ACYP2: variants seen among roughly 807,000 people sequenced by gnomAD.
ACYP2 encodes the protein acylphosphatase-2.
ACYP2 carries 12 observed loss-of-function variants against 11.2 expected under a neutral mutation model. That is an observed-to-expected ratio of 1.08 (90% CI 0.69 to 1.74). The LOEUF (loss-of-function observed/expected upper bound fraction) is 1.74, where lower values mean the gene tolerates loss of function less well. Ranked by LOEUF, ACYP2 falls within the 40% of genes most tolerant of loss-of-function variation. The pLI is 0.00. For missense variants in ACYP2, 134 were observed against 101.9 expected, an observed-to-expected ratio of 1.31 and a Z score of -1.35; for synonymous variants, 43 against 32.2, an observed-to-expected ratio of 1.33 and a Z score of -1.13.
At chr2:54,085,273 G>A (rs1677889325) in intron 4 of ACYP2, among the ~76,000 whole-genome samples, 1 of 152,122 alleles carries the variant, frequency 6.6e-6, no homozygotes, top group Non-Finnish European at 1.5e-5. Flanking sequence ...GGTCCACGTG[G>A]TGGCACTGTG....
chr2:54,127,245 C>T (rs1680571268), intron 4 of ACYP2, among the ~76,000 whole-genome samples: 1 of 152,080 alleles, frequency 6.6e-6, no homozygotes, highest in Non-Finnish European at 1.5e-5. Flanking sequence ...ATCTTCAGTG[C>T]TATGCTTCTA....
At position 54,091,136 on chromosome 2, in the gene ACYP2, TAACTC is replaced by T. The variant is rs372175693; in HGVS notation, c.277+33780_277+33784del. Among the ~76,000 whole-genome samples the T allele has an allele frequency of 2.2e-4, 34 of 152,366 alleles. 1 individual carries two copies. The highest frequency in any genetic ancestry group is 7.9e-4 in the African/African-American group (33 of 41,576). ...GGACAAAAGGGGTTATTTTATGTCT[TAACTC>T]AACATTTCAAAGCAGCTCAAAGGAG... On this transcript the variant is annotated intron_variant, in intron 4 of 6. Coordinates refer to ENST00000607452, the MANE Select transcript of ACYP2 (RefSeq NM_001320586.2).
At chr2:54,201,620 CTTTGTT>C (rs57677546) in intron 6 of ACYP2, among the ~76,000 whole-genome samples, 4 of 87,108 alleles carry the variant, frequency 4.6e-5, no homozygotes, top group Middle Eastern at 5.9e-3. Context: ...TTCTTTCTTT[CTTTGTT>C]TCTTTCTTTC....
rs546738983 is a variant in ACYP2, at chr2:54,236,259, GT to G, written c.405-68427del. Among the ~76,000 whole-genome samples the G allele has an allele frequency of 3.0e-4, 46 of 152,066 alleles. No homozygotes were observed. In the South Asian group the frequency reaches 8.9e-3, roughly 30 times the overall value. ...CCCAGCCTATTTTATTTAGATTTAA[GT>G]TGTTCTTTTCATAACTTTTTATCAA... On this transcript the variant is annotated intron_variant, in intron 6 of 6. Coordinates refer to ENST00000607452, the MANE Select transcript of ACYP2 (RefSeq NM_001320586.2).
At chr2:54,246,627 T>C (rs1350470191) in intron 6 of ACYP2, among the ~76,000 whole-genome samples, 2 of 152,190 alleles carry the variant, frequency 1.3e-5, no homozygotes, top group African/African-American at 4.8e-5. Flanking sequence ...CATAGGGTTT[T>C]CTATATTCAT....
In ACYP2 at chr2:54,292,667, TATAC is replaced by T. The variant is rs1451483522; in HGVS notation, c.405-12019_405-12016del. 2.2e-3 allele frequency among the ~76,000 whole-genome samples: 115 copies of T among 53,372 alleles called. 1 individual carries two copies. The highest frequency in any genetic ancestry group is 0.018 in the Middle Eastern group (2 of 110). 35.0% of individuals were successfully genotyped at this position (53,372 alleles called of 152,430 possible). A position where few individuals can be genotyped will look rare whatever the true frequency, so the allele number is the denominator to read the frequency against. ...ATTTCTGATTGTGTGTGTATATATG[TATAC>T]ACACACACACACACACACACACACA... On this transcript the variant is annotated intron_variant, in intron 6 of 6. Transcript: ENST00000607452.
chr2:54,187,158 C>A (rs1356146307), intron 6 of ACYP2, among the ~76,000 whole-genome samples: 1 of 152,136 alleles, frequency 6.6e-6, no homozygotes, highest in East Asian at 1.9e-4. Context: ...AGGGCACATG[C>A]AATCTGGGGC....
intron 4 of ACYP2, among the ~76,000 whole-genome samples, chr2:54,072,468 T>TTC (rs1558508745): frequency 1.2e-4 from 15 of 124,830 alleles, no homozygotes; most frequent in Middle Eastern, 4.0e-3. Context: ...CTTTCTTTCT[T>TTC]TTTCTTTCTT....
chr2:54,034,683 A>G (rs1217716660), intron 2 of ACYP2, among the ~76,000 whole-genome samples: 1 of 152,162 alleles, frequency 6.6e-6, no homozygotes, highest in Non-Finnish European at 1.5e-5. Context: ...TATTTCCCAT[A>G]TTTCTTAAAT....
At chr2:54,279,489 A>G (rs892868927) in intron 6 of ACYP2, among the ~76,000 whole-genome samples, 1 of 152,224 alleles carries the variant, frequency 6.6e-6, no homozygotes, top group Non-Finnish European at 1.5e-5. Flanking sequence ...GAATTATGGA[A>G]ATTAGAAATC....
chr2:54,026,771 T>C (rs765854925), intron 2 of ACYP2, among the ~76,000 whole-genome samples: 5 of 152,274 alleles, frequency 3.3e-5, no homozygotes, highest in Admixed American at 2.0e-4. Flanking sequence ...CTGGATACAA[T>C]TGAAGACCAT....
At chr2:54,034,395 T>C (rs1250098927) in intron 2 of ACYP2, among the ~76,000 whole-genome samples, 1 of 152,170 alleles carries the variant, frequency 6.6e-6, no homozygotes. Context: ...TGTATTTGTA[T>C]TGTACCTTTT....
At chr2:54,119,225 T>A (rs898555413) in intron 4 of ACYP2, among the ~76,000 whole-genome samples, 17 of 151,874 alleles carry the variant, frequency 1.1e-4, no homozygotes, top group African/African-American at 4.1e-4. Context: ...GCTAACTTTT[T>A]AATTTTTCCT....
chr2:54,289,033 CTATA>C (rs1280766582), intron 6 of ACYP2, among the ~76,000 whole-genome samples: 1 of 152,002 alleles, frequency 6.6e-6, no homozygotes, highest in African/African-American at 2.4e-5. Flanking sequence ...CAGCTATCAA[CTATA>C]TATAAGTAGC....
chr2:54,264,255 T>A (rs1687916772), intron 6 of ACYP2, among the ~76,000 whole-genome samples: 1 of 151,502 alleles, frequency 6.6e-6, no homozygotes, highest in East Asian at 1.9e-4. Context: ...ACCCAAAGAG[T>A]GAGCAGCAGC....
At chr2:54,024,667 A>C (rs1357749641) in intron 2 of ACYP2, among the ~76,000 whole-genome samples, 2 of 152,200 alleles carry the variant, frequency 1.3e-5, no homozygotes, top group African/African-American at 2.4e-5. Flanking sequence ...ATTACCCCTG[A>C]AAACTGGAAC....
At chr2:53,985,877 T>C (rs1387729765) in intron 2 of ACYP2, among the ~76,000 whole-genome samples, 4 of 152,208 alleles carry the variant, frequency 2.6e-5, no homozygotes, top group African/African-American at 9.6e-5. Flanking sequence ...GGCTCATGCC[T>C]GTAATCCCAG....
intron 2 of ACYP2, among the ~76,000 whole-genome samples, chr2:54,027,095 A>G (rs1431709122): frequency 1.3e-5 from 2 of 152,182 alleles, no homozygotes; most frequent in African/African-American, 4.8e-5. Flanking sequence ...GTGAGTTCAC[A>G]TATATCCTGT....
At chr2:54,188,493 A>G (rs1420920394) in intron 6 of ACYP2, among the ~76,000 whole-genome samples, 1 of 152,214 alleles carries the variant, frequency 6.6e-6, no homozygotes, top group Non-Finnish European at 1.5e-5. Flanking sequence ...TTCTAAAATG[A>G]TAGTAGTTAT....
Sources: allele counts gnomAD v4.1 joint callset (sites outside exome capture counted in the v4.1 genomes callset), GRCh38; gene constraint gnomAD v4.1.1; transcripts MANE v1.5; gene names NCBI Gene and HGNC (gene_info 2026-07-23, HGNC 2026-07-21).